Variants in DPP6 observed in about 807,000 individuals in gnomAD.
DPP6 encodes the protein dipeptidyl peptidase like 6, also known as A-type potassium channel modulatory protein DPP6.
In DPP6, 69 loss-of-function variants were observed where a neutral mutation model predicts 122.6. That is an observed-to-expected ratio of 0.56 (90% confidence interval 0.46 to 0.69). The LOEUF is 0.69. Among genes scored for constraint, DPP6 ranks in the 30% least tolerant of loss-of-function variants. DPP6 has a pLI of 0.00. For missense variants in DPP6, 928 were observed against 1,116.9 expected (o/e 0.83, Z 2.41); for synonymous variants, 418 against 433.1 (o/e 0.97, Z 0.43).
At chr7:154,085,066 A>G (rs1317050739) in intron 1 of DPP6, among the ~76,000 whole-genome samples, 1 of 151,190 alleles carries the variant, frequency 6.6e-6, no homozygotes, top group Admixed American at 6.6e-5. Context: ...TTAATTTACC[A>G]CAAATTCAGA....
At chr7:154,669,314 G>A (rs372750485) in intron 6 of DPP6, 46 bp from the exon 7 acceptor site, 25 of 1,551,398 alleles carry the variant, frequency 1.6e-5, no homozygotes, top group Non-Finnish European at 2.2e-5. Context: ...TAAATTCTTG[G>A]TTCCCAACAT....
chr7:154,871,454 C>T (rs1804392215), intron 18 of DPP6, among the ~76,000 whole-genome samples: 1 of 152,172 alleles, frequency 6.6e-6, no homozygotes, highest in Non-Finnish European at 1.5e-5. Context: ...CTTTATGCTA[C>T]CAGAGGCTAA....
chr7:154,476,143 TC>T (rs1450184581), intron 3 of DPP6, among the ~76,000 whole-genome samples: 1 of 152,234 alleles, frequency 6.6e-6, no homozygotes, highest in East Asian at 1.9e-4. Context: ...CACTTTTCTT[TC>T]GTCCTCTATT....
chr7:154,389,309 G>GT (rs1316579591), intron 1 of DPP6, among the ~76,000 whole-genome samples: 1 of 152,164 alleles, frequency 6.6e-6, no homozygotes, highest in Non-Finnish European at 1.5e-5. Context: ...TTAATGGATG[G>GT]TGCTGCCTTC....
intron 1 of DPP6, among the ~76,000 whole-genome samples, chr7:154,009,807 G>A (rs975837453): frequency 4.7e-5 from 7 of 150,430 alleles, no homozygotes; most frequent in African/African-American, 1.8e-4. Context: ...AAAGATGTAA[G>A]GATGTAGCTA....
At chr7:153,937,539 C>A (rs1389799449) in intron 1 of DPP6, among the ~76,000 whole-genome samples, 1 of 148,972 alleles carries the variant, frequency 6.7e-6, no homozygotes, top group East Asian at 2.0e-4. Flanking sequence ...CCTCTCCCTC[C>A]CGGGTTCAAG....
intron 1 of DPP6, among the ~76,000 whole-genome samples, chr7:154,206,716 G>A (rs1188608196): frequency 2.6e-5 from 4 of 152,202 alleles, no homozygotes; most frequent in African/African-American, 9.7e-5. Flanking sequence ...ATGTGATACG[G>A]GGTTTTACTG....
intron 1 of DPP6, among the ~76,000 whole-genome samples, chr7:154,244,040 A>G: frequency 6.6e-6 from 1 of 152,136 alleles, no homozygotes; most frequent in Middle Eastern, 3.2e-3. Flanking sequence ...TAAAATGCTT[A>G]TTTTAAAATT....
intron 1 of DPP6, among the ~76,000 whole-genome samples, chr7:154,010,899 C>T: frequency 6.6e-6 from 1 of 152,128 alleles, no homozygotes; most frequent in East Asian, 1.9e-4. Flanking sequence ...GTTTATTTGG[C>T]ATTTCAAATA....
At chr7:154,244,704 G>A (rs993366523) in intron 1 of DPP6, among the ~76,000 whole-genome samples, 1 of 151,834 alleles carries the variant, frequency 6.6e-6, no homozygotes, top group Non-Finnish European at 1.5e-5. Context: ...ATGCAAAGAG[G>A]TATATCTAAA....
rs372863531 is a variant in DPP6, at chr7:154,474,899, A to G, written c.359-40A>G. ...TTATGGTCCTCTCATTTTACTAATT[A>G]TGAAACAAGCTTAACTCTTTGCTTT... is the stretch of plus-strand genomic sequence containing the variant. On this transcript the variant is annotated intron_variant, in intron 2 of 25. Coordinates refer to ENST00000377770, the MANE Select transcript of DPP6 (RefSeq NM_130797.4). The G allele has an allele frequency of 2.0e-6, 3 of 1,498,900 alleles. No homozygotes were observed. In the African/African-American group the frequency reaches 4.1e-5, roughly 21 times the overall value. The allele number at this position is 1,498,900 out of a possible 1,614,324, so 92.9% of individuals were successfully genotyped here. A position where few individuals can be genotyped will look rare whatever the true frequency, so the allele number is the denominator to read the frequency against.
At chr7:154,106,243 C>T (rs906611372) in intron 1 of DPP6, among the ~76,000 whole-genome samples, 15 of 130,268 alleles carry the variant, frequency 1.2e-4, no homozygotes, top group African/African-American at 3.9e-4. Context: ...TGTTGCAAAA[C>T]TTATGTTCAT....
In DPP6 at chr7:154,564,580, A is replaced by G. The variant is rs73483856; in HGVS notation, c.553-2262A>G. ...TGTAAACTGTTCACTTCACCCGTGG[A>G]TATCTATTCTATACAAAAATGTGAA... On this transcript the variant is annotated intron_variant, in intron 4 of 25. Coordinates refer to ENST00000377770, the MANE Select transcript of DPP6 (RefSeq NM_130797.4). Among the ~76,000 whole-genome samples the G allele has an allele frequency of 7.5e-3, 1,146 of 152,346 alleles. 19 individuals carry two copies. Among genetic ancestry groups the G allele is most frequent in the African/African-American group, 0.026 (1,068 of 41,584 alleles).
At chr7:153,791,379 G>GATTTTCTT in the DPP6 span, among the ~76,000 whole-genome samples, 1 of 144,060 alleles carries the variant, frequency 6.9e-6, no homozygotes, top group Non-Finnish European at 1.5e-5. Flanking sequence ...TTTGAAAACT[G>GATTTTCTT]ATTTTCTTTT....
chr7:154,306,883 C>T (rs1413578773), intron 1 of DPP6, among the ~76,000 whole-genome samples: 1 of 152,108 alleles, frequency 6.6e-6, no homozygotes, highest in East Asian at 1.9e-4. Flanking sequence ...TCAAAAATTC[C>T]ACAGAATATT....
At chr7:154,700,264 G>A (rs1840444735) in intron 7 of DPP6, among the ~76,000 whole-genome samples, 1 of 152,188 alleles carries the variant, frequency 6.6e-6, no homozygotes, top group African/African-American at 2.4e-5. Context: ...GTTTCTACAA[G>A]GTTCTGGTGT....
At chr7:154,313,731 A>ACG (rs1393641789) in intron 1 of DPP6, among the ~76,000 whole-genome samples, 3 of 49,312 alleles carry the variant, frequency 6.1e-5, no homozygotes, top group African/African-American at 2.4e-4. Context: ...ACACGCACGC[A>ACG]CACACACACA....
intron 10 of DPP6, among the ~76,000 whole-genome samples, chr7:154,783,845 CTGGACCT>C (rs1174908341): frequency 2.0e-5 from 3 of 152,124 alleles, no homozygotes; most frequent in Non-Finnish European, 4.4e-5. Context: ...ATGGTAAGGC[CTGGACCT>C]TGTGAGGGAG....
exon 1 of DPP6, chr7:153,887,597 C>G: frequency 6.6e-7 from 1 of 1,509,982 alleles, no homozygotes; most frequent in South Asian, 1.2e-5. Flanking sequence ...CAGTCTTCAG[C>G]CAGTCCAGTC....
Sources: allele counts gnomAD v4.1 joint callset (sites outside exome capture counted in the v4.1 genomes callset), GRCh38; gene constraint gnomAD v4.1.1; transcripts MANE v1.5; gene names NCBI Gene and HGNC (gene_info 2026-07-23, HGNC 2026-07-21).